Variants in SUCLG1 observed in about 807,000 individuals in gnomAD.
SUCLG1 encodes the protein succinate--CoA ligase [ADP/GDP-forming] subunit alpha, mitochondrial.
Under a neutral mutation model 37.3 loss-of-function variants are expected in SUCLG1, and 26 were observed. The observed-to-expected ratio is 0.70, with a 90% CI of 0.51 to 0.97. SUCLG1 has a LOEUF of 0.97. SUCLG1 is among the 50% of genes least tolerant of loss of function. The pLI is 0.00. For missense variants in SUCLG1, 433 were observed against 432.9 expected, an observed-to-expected ratio of 1.00 and a Z score of 0.00; for synonymous variants, 163 against 155.6, an observed-to-expected ratio of 1.05 and a Z score of -0.36.
chr2:84,457,631 CA>C (rs1673041954), intron 1 of SUCLG1, among the ~76,000 whole-genome samples: 1 of 152,316 alleles, frequency 6.6e-6, no homozygotes, highest in Admixed American at 6.5e-5. Flanking sequence ...AGCAAGACCA[CA>C]GAAGCGAAAG....
chr2:84,443,192 T>C, intron 3 of SUCLG1, 92 bp downstream of exon 3: 1 of 1,142,938 alleles, frequency 8.7e-7, no homozygotes, highest in Non-Finnish European at 1.3e-6. Context: ...CAAGTGACTC[T>C]ACCAAAAAAA....
chr2:84,449,477 T>G (rs1249646069), intron 2 of SUCLG1, among the ~76,000 whole-genome samples, 172 bp downstream of exon 2: 1 of 152,160 alleles, frequency 6.6e-6, no homozygotes, highest in Non-Finnish European at 1.5e-5. Flanking sequence ...ACAATTTTTA[T>G]GTTATAGGCT....
intron 1 of SUCLG1, among the ~76,000 whole-genome samples, chr2:84,455,268 GC>G (rs1412811595): frequency 2.8e-4 from 42 of 152,244 alleles, no homozygotes; most frequent in African/African-American, 9.9e-4. Flanking sequence ...AATGAGGCGG[GC>G]GGATCACCTG....
chr2:84,457,846 C>G (rs1255172482), intron 1 of SUCLG1, among the ~76,000 whole-genome samples: 1 of 152,088 alleles, frequency 6.6e-6, no homozygotes, highest in Admixed American at 6.5e-5. Flanking sequence ...GCCTACAACA[C>G]TCTCAAGAAT....
intron 5 of SUCLG1, among the ~76,000 whole-genome samples, chr2:84,435,078 C>T (rs780199101): frequency 6.6e-6 from 1 of 152,212 alleles, no homozygotes; most frequent in Non-Finnish European, 1.5e-5. Flanking sequence ...CCAGCAGAGT[C>T]CCAGCTTCCC....
chr2:84,447,354 C>A (rs189794852), intron 2 of SUCLG1, among the ~76,000 whole-genome samples: 1 of 152,240 alleles, frequency 6.6e-6, no homozygotes, highest in Admixed American at 6.5e-5. Flanking sequence ...CTGCAGGTAA[C>A]TGAAAAACGC....
intron 2 of SUCLG1, among the ~76,000 whole-genome samples, chr2:84,446,401 T>C (rs1672853049): frequency 6.6e-6 from 1 of 152,166 alleles, no homozygotes; most frequent in Admixed American, 6.5e-5. Context: ...AATGAACGAA[T>C]CTATGTGATC....
chr2:84,439,975 T>C (rs929559714), intron 5 of SUCLG1, among the ~76,000 whole-genome samples: 1 of 152,198 alleles, frequency 6.6e-6, no homozygotes, highest in African/African-American at 2.4e-5. Context: ...AGCAGGTATG[T>C]GAATGGCCTT....
intron 5 of SUCLG1, among the ~76,000 whole-genome samples, chr2:84,434,690 A>T (rs1462815120): frequency 1.3e-5 from 2 of 152,166 alleles, no homozygotes; most frequent in East Asian, 3.9e-4. Flanking sequence ...CAATATGATC[A>T]CCCTACCAGG....
chr2:84,431,864 G>A (rs926910883), intron 6 of SUCLG1, among the ~76,000 whole-genome samples: 1 of 152,100 alleles, frequency 6.6e-6, no homozygotes, highest in African/African-American at 2.4e-5. Flanking sequence ...AATGCTAAAT[G>A]GTGGTTGGTT....
chr2:84,454,960 T>C (rs999233417), intron 1 of SUCLG1, among the ~76,000 whole-genome samples: 1 of 152,198 alleles, frequency 6.6e-6, no homozygotes, highest in Non-Finnish European at 1.5e-5. Context: ...CTGGTAAACA[T>C]TTATTCGTGC....
rs550279516 is a variant in SUCLG1, at chr2:84,439,113, T to C, written c.589+1934A>G. Reference sequence around the variant, plus strand: ...CTCACTGCGAAGGTCCGCGGCTTCATTGAAGTCAGCGAGACCAAGAACCCA... The same window carrying C: ...CTCACTGCGAAGGTCCGCGGCTTCACTGAAGTCAGCGAGACCAAGAACCCA... On this transcript the variant is annotated intron_variant, in intron 5 of 8. Coordinates refer to ENST00000393868, the MANE Select transcript of SUCLG1 (RefSeq NM_003849.4). 4.3e-4 allele frequency among the ~76,000 whole-genome samples: 66 copies of C among 152,016 alleles called. 1 individual carries two copies. In the South Asian group the frequency reaches 0.012, roughly 28 times the overall value.
Position 84,431,671 on chromosome 2 carries a change from G to A in SUCLG1, c.674-12C>T. On this transcript the variant is annotated splice_polypyrimidine_tract_variant and intron_variant, in intron 6 of 8. Transcript: ENST00000393868. Reference sequence around the variant, plus strand: ...ATCACCTCCAATGCCTGAAAAAGTTGAAAAATATCAATAGCTGGAAATTTA... The same window carrying A: ...ATCACCTCCAATGCCTGAAAAAGTTAAAAAATATCAATAGCTGGAAATTTA... 1 of 1,613,618 alleles carries A rather than the reference G, an allele frequency of 6.2e-7. No homozygotes were observed. Among genetic ancestry groups the A allele is most frequent in the African/African-American group, 1.3e-5 (1 of 75,032 alleles).
intron 1 of SUCLG1, among the ~76,000 whole-genome samples, chr2:84,456,823 C>T (rs2104272183): frequency 6.6e-6 from 1 of 152,248 alleles, no homozygotes; most frequent in South Asian, 2.1e-4. Context: ...GCCACCACAC[C>T]TGGCTAATTT....
intron 1 of SUCLG1, among the ~76,000 whole-genome samples, chr2:84,453,733 A>G (rs1313980814): frequency 6.6e-6 from 1 of 152,220 alleles, no homozygotes; most frequent in Non-Finnish European, 1.5e-5. Context: ...AAGTATTTTA[A>G]ATTAAATATT....
chr2:84,458,883 G>A (rs1673088680), intron 1 of SUCLG1, among the ~76,000 whole-genome samples: 1 of 152,110 alleles, frequency 6.6e-6, no homozygotes, highest in Non-Finnish European at 1.5e-5. Context: ...ATTTGTCACC[G>A]CGGGGCCGAG....
chr2:84,457,872 CCAAA>C (rs1339372598), intron 1 of SUCLG1, among the ~76,000 whole-genome samples: 2 of 151,994 alleles, frequency 1.3e-5, no homozygotes, highest in Non-Finnish European at 2.9e-5. Context: ...GAAAGCTTTA[CCAAA>C]CAAACCATTT....
intron 6 of SUCLG1, among the ~76,000 whole-genome samples, chr2:84,431,900 G>T (rs971361706): frequency 6.6e-6 from 1 of 152,100 alleles, no homozygotes; most frequent in Admixed American, 6.5e-5. Flanking sequence ...ATATTCTAGG[G>T]CTGTAACGAA....
intron 1 of SUCLG1, among the ~76,000 whole-genome samples, chr2:84,456,735 C>A (rs1479643850): frequency 1.3e-5 from 2 of 152,170 alleles, no homozygotes; most frequent in Non-Finnish European, 2.9e-5. Context: ...ACGATCTCAG[C>A]TCACTGCAAG....
Sources: allele counts gnomAD v4.1 joint callset (sites outside exome capture counted in the v4.1 genomes callset), GRCh38; gene constraint gnomAD v4.1.1; transcripts MANE v1.5; gene names NCBI Gene and HGNC (gene_info 2026-07-23, HGNC 2026-07-21).